KANK1: variants seen among roughly 807,000 people sequenced by gnomAD.
KANK1 encodes KN motif and ankyrin repeat domain-containing protein 1.
KANK1 carries 109 observed loss-of-function variants against 106.2 expected under a neutral mutation model. The observed-to-expected ratio is 1.03, with a 90% CI of 0.88 to 1.20. The LOEUF is 1.20. KANK1 is among the 50% of genes most tolerant of loss of function. The pLI is 0.00. For synonymous variants in KANK1, 873 were observed against 652.2 expected (o/e 1.34, Z -5.16); for missense variants, 2,399 against 1,710.7 (o/e 1.40, Z -7.10).
At chr9:692,554 A>G (rs1388619625) in intron 2 of KANK1, among the ~76,000 whole-genome samples, 1 of 147,768 alleles carries the variant, frequency 6.8e-6, no homozygotes, top group Non-Finnish European at 1.5e-5. Flanking sequence ...TTTACATACC[A>G]TAGAATTCAC....
intron 2 of KANK1, among the ~76,000 whole-genome samples, chr9:692,189 T>G (rs997066401): frequency 6.6e-6 from 1 of 152,216 alleles, no homozygotes; most frequent in Non-Finnish European, 1.5e-5. Context: ...GCACATGCCC[T>G]GCCTTATTCC....
intron 1 of KANK1, among the ~76,000 whole-genome samples, chr9:611,338 C>A (rs886437198): frequency 6.6e-6 from 1 of 152,200 alleles, no homozygotes; most frequent in South Asian, 2.1e-4. Flanking sequence ...GCCTTAATTT[C>A]CAATGTGTAA....
chr9:648,015 T>TG (rs1292921772), intron 1 of KANK1, among the ~76,000 whole-genome samples: 1 of 146,804 alleles, frequency 6.8e-6, no homozygotes, highest in Non-Finnish European at 1.5e-5. Context: ...TTTTTTTTTT[T>TG]TTTTGATACA....
intron 1 of KANK1, among the ~76,000 whole-genome samples, chr9:627,310 G>A (rs1165532262): frequency 6.6e-6 from 1 of 152,062 alleles, no homozygotes; most frequent in African/African-American, 2.4e-5. Context: ...AGTACCCAGG[G>A]CTACCCAGGT....
intron 2 of KANK1, among the ~76,000 whole-genome samples, chr9:702,528 A>C (rs2130372207): frequency 6.6e-6 from 1 of 152,292 alleles, no homozygotes; most frequent in Non-Finnish European, 1.5e-5. Flanking sequence ...AGAGACAGAA[A>C]GCAGAAATTA....
At chr9:528,163 G>A (rs2059888199) in intron 1 of KANK1, among the ~76,000 whole-genome samples, 1 of 151,424 alleles carries the variant, frequency 6.6e-6, no homozygotes, top group African/African-American at 2.4e-5. Flanking sequence ...AAACTTTTTA[G>A]GATTTTTCTT....
intron 1 of KANK1, among the ~76,000 whole-genome samples, chr9:670,036 G>C (rs1332306531): frequency 1.3e-5 from 2 of 152,036 alleles, no homozygotes; most frequent in East Asian, 1.9e-4. Context: ...AAATTTTTCA[G>C]TTAGCAAATA....
At chr9:706,825 C>G (rs973042625) in intron 2 of KANK1, 33 of 985,440 alleles carry the variant, frequency 3.3e-5, no homozygotes, top group Admixed American at 6.1e-5. Flanking sequence ...CTCTGCACCT[C>G]CTCAGGTGAC....
At chr9:652,324 C>G (rs74796041) in intron 1 of KANK1, among the ~76,000 whole-genome samples, 1 of 152,010 alleles carries the variant, frequency 6.6e-6, no homozygotes. Context: ...AGTTCGAGAC[C>G]AGCCTGGCCA....
At chr9:737,004 T>C (rs375699976) in intron 7 of KANK1, among the ~76,000 whole-genome samples, 61 of 152,358 alleles carry the variant, frequency 4.0e-4, no homozygotes, top group African/African-American at 3.8e-4. Flanking sequence ...CCACACACAC[T>C]GTGATGGGTA....
At chr9:710,608 C>G (rs1413596031) in intron 2 of KANK1, among the ~76,000 whole-genome samples, 196 bp from the exon 3 acceptor site, 1 of 117,718 alleles carries the variant, frequency 8.5e-6, no homozygotes, top group Admixed American at 1.0e-4. Context: ...GACAGAATGA[C>G]CTGTCTCAAA....
chr9:623,065 A>G (rs549147429), intron 1 of KANK1, among the ~76,000 whole-genome samples: 7 of 152,324 alleles, frequency 4.6e-5, no homozygotes, highest in East Asian at 3.9e-4. Flanking sequence ...GTGGGACTAC[A>G]TCAAGCCAAA....
chr9:640,420 C>G (rs1201862914), intron 1 of KANK1, among the ~76,000 whole-genome samples: 2 of 147,760 alleles, frequency 1.4e-5, no homozygotes, highest in East Asian at 4.1e-4. Context: ...TTTTTTTATA[C>G]AGAGTCAGTC....
chr9:656,778 A>G (rs1842235300), intron 1 of KANK1, among the ~76,000 whole-genome samples: 1 of 152,180 alleles, frequency 6.6e-6, no homozygotes, highest in African/African-American at 2.4e-5. Flanking sequence ...TTAAAAAGGG[A>G]AAAGCTTAAG....
chr9:624,177 C>T (rs1274299422), intron 1 of KANK1, among the ~76,000 whole-genome samples: 3 of 152,052 alleles, frequency 2.0e-5, no homozygotes, highest in African/African-American at 2.4e-5. Context: ...AATATAAAAA[C>T]GTTGAATCCA....
chr9:679,711 A>C (rs944680043), intron 2 of KANK1, among the ~76,000 whole-genome samples: 2 of 152,190 alleles, frequency 1.3e-5, no homozygotes, highest in Non-Finnish European at 2.9e-5. Flanking sequence ...CCAGCTGAAA[A>C]TTTAAAAGTA....
At chr9:686,680 C>G (rs1818655352) in intron 2 of KANK1, 2 of 852,922 alleles carry the variant, frequency 2.3e-6, no homozygotes, top group African/African-American at 3.7e-5. Context: ...CCAGGGACAA[C>G]TGTTTGGCAG....
chr9:573,505 C>T (rs995971926), intron 1 of KANK1, among the ~76,000 whole-genome samples: 3 of 152,004 alleles, frequency 2.0e-5, no homozygotes, highest in Non-Finnish European at 4.4e-5. Context: ...CTCTTGACCT[C>T]GTGATCCGCC....
At chr9:509,306 C>T (rs776673540) in intron 1 of KANK1, among the ~76,000 whole-genome samples, 11 of 152,214 alleles carry the variant, frequency 7.2e-5, no homozygotes, top group East Asian at 3.9e-4. Context: ...CCATGTTGGC[C>T]GGGATGGTCT....
Sources: gnomAD v4.1 joint callset for allele counts (sites outside exome capture counted in the v4.1 genomes callset) on GRCh38, gnomAD v4.1.1 for gene constraint, MANE v1.5 for transcripts, NCBI Gene and HGNC (gene_info 2026-07-23, HGNC 2026-07-21) for gene names.